PPFIBP2: variants seen among roughly 807,000 people sequenced by gnomAD.
PPFIBP2 encodes liprin-beta-2.
In PPFIBP2, 118 loss-of-function variants were observed where a neutral mutation model predicts 118.3. That is an observed-to-expected ratio of 1.00 (90% CI 0.86 to 1.16). The LOEUF is 1.16. PPFIBP2 is among the 50% of genes most tolerant of loss of function. The pLI is 0.00. For synonymous variants in PPFIBP2, 414 were observed against 397.4 expected (o/e 1.04, Z -0.50); for missense variants, 1,195 against 1,073.1 (o/e 1.11, Z -1.59).
chr11:7,637,813 T>C (rs890558734), intron 14 of PPFIBP2, among the ~76,000 whole-genome samples: 1 of 152,226 alleles, frequency 6.6e-6, no homozygotes, highest in Admixed American at 6.5e-5. Context: ...CCTTGATTCC[T>C]TTTTGCTGTC....
chr11:7,611,188 A>G (rs952136112), intron 6 of PPFIBP2, among the ~76,000 whole-genome samples: 9 of 152,228 alleles, frequency 5.9e-5, no homozygotes, highest in African/African-American at 2.2e-4. Flanking sequence ...TAATAGTTCT[A>G]TGAACTTCAA....
At chr11:7,628,677 C>G (rs1421145092) in intron 9 of PPFIBP2, among the ~76,000 whole-genome samples, 1 of 152,214 alleles carries the variant, frequency 6.6e-6, no homozygotes, top group Non-Finnish European at 1.5e-5. Flanking sequence ...GCCCACCAGT[C>G]TCCCATGTGC....
At chr11:7,621,165 A>T in intron 7 of PPFIBP2, 138 bp downstream of exon 7, 1 of 650,696 alleles carries the variant, frequency 1.5e-6, no homozygotes, top group Non-Finnish European at 2.8e-6. Context: ...AGCAGTGCCC[A>T]GATGGTGCAG....
At chr11:7,581,012 A>G (rs55730704) in intron 3 of PPFIBP2, among the ~76,000 whole-genome samples, 4,390 of 152,304 alleles carry the variant, frequency 0.029, 220 homozygotes, top group African/African-American at 0.1. Context: ...AGACCTAGAA[A>G]AGGCAGCTGC....
intron 2 of PPFIBP2, among the ~76,000 whole-genome samples, chr11:7,558,718 T>C (rs528320871): frequency 6.6e-6 from 1 of 151,126 alleles, no homozygotes; most frequent in South Asian, 2.1e-4. Flanking sequence ...ATCACGCCAC[T>C]GCACTCCAGC....
the PPFIBP2 span, among the ~76,000 whole-genome samples, chr11:7,662,442 A>G: frequency 6.6e-6 from 1 of 151,962 alleles, no homozygotes; most frequent in Non-Finnish European, 1.5e-5. Flanking sequence ...TCTGGGTTGA[A>G]AATTCTTTTC....
intron 1 of PPFIBP2, among the ~76,000 whole-genome samples, chr11:7,544,652 T>C (rs1852131496): frequency 1.3e-5 from 2 of 151,668 alleles, no homozygotes; most frequent in Admixed American, 6.6e-5. Context: ...CGGGCACCTG[T>C]AGTCCTAGCT....
the PPFIBP2 span, chr11:7,666,460 G>C: frequency 1.2e-6 from 2 of 1,609,910 alleles, no homozygotes; most frequent in Middle Eastern, 1.8e-4. Context: ...CCAATGGGAG[G>C]CCTGTCCAGG....
At chr11:7,628,125 A>G (rs1667169828) in intron 8 of PPFIBP2, among the ~76,000 whole-genome samples, 160 bp from the exon 9 acceptor site, 1 of 152,210 alleles carries the variant, frequency 6.6e-6, no homozygotes, top group Admixed American at 6.5e-5. Context: ...ATATTTAAGG[A>G]GGCCGATTCT....
At chr11:7,596,268 C>T (rs1266388475) in intron 4 of PPFIBP2, among the ~76,000 whole-genome samples, 1 of 152,180 alleles carries the variant, frequency 6.6e-6, no homozygotes, top group Non-Finnish European at 1.5e-5. Flanking sequence ...AGAGTCCTGC[C>T]CTTTTGAAAG....
At chr11:7,639,951 AC>A in intron 15 of PPFIBP2, 81 bp downstream of exon 15, 1 of 1,508,764 alleles carries the variant, frequency 6.6e-7, no homozygotes, top group Non-Finnish European at 8.8e-7. Flanking sequence ...CCCTGCACCT[AC>A]CACCACAATC....
At chr11:7,560,765 G>A (rs1245128496) in intron 2 of PPFIBP2, among the ~76,000 whole-genome samples, 2 of 152,278 alleles carry the variant, frequency 1.3e-5, no homozygotes, top group South Asian at 2.1e-4. Flanking sequence ...CAGTGTATGA[G>A]GGTACCCTTA....
At position 7,584,059 on chromosome 11, in the gene PPFIBP2, A is replaced by T. The variant is rs76696173; in HGVS notation, c.280-9073A>T. ...ATTCATGTGCATACAACTCTTTATG[A>T]TAGTACTTATTACATCCTGCTGCAA... On this transcript the variant is annotated intron_variant, in intron 3 of 23. Coordinates refer to ENST00000299492, the MANE Select transcript of PPFIBP2 (RefSeq NM_003621.5). 8.1e-3 allele frequency among the ~76,000 whole-genome samples: 1,239 copies of T among 152,246 alleles called. 17 individuals are homozygous for T. Among genetic ancestry groups the T allele is most frequent in the African/African-American group, 0.029 (1,190 of 41,544 alleles).
chr11:7,599,175 G>A (rs924070134), intron 5 of PPFIBP2, among the ~76,000 whole-genome samples: 7 of 151,606 alleles, frequency 4.6e-5, no homozygotes, highest in Admixed American at 2.0e-4. Flanking sequence ...AATCTCAAAT[G>A]ATGAAAGTAT....
intron 1 of PPFIBP2, among the ~76,000 whole-genome samples, chr11:7,518,591 A>G (rs527645570): frequency 6.6e-6 from 1 of 152,148 alleles, no homozygotes; most frequent in Non-Finnish European, 1.5e-5. Flanking sequence ...GGGTCCAGAC[A>G]CAGTCCTGGT....
At chr11:7,573,461 C>T (rs1848778117) in intron 3 of PPFIBP2, among the ~76,000 whole-genome samples, 1 of 152,224 alleles carries the variant, frequency 6.6e-6, no homozygotes, top group African/African-American at 2.4e-5. Flanking sequence ...TACTAGTACA[C>T]AGCCACACAC....
chr11:7,651,536 C>A, intron 22 of PPFIBP2, 120 bp from the exon 23 acceptor site: 2 of 845,244 alleles, frequency 2.4e-6, no homozygotes, highest in Non-Finnish European at 3.7e-6. Context: ...GAACAAGTGA[C>A]TGAGCTCCTG....
intron 1 of PPFIBP2, among the ~76,000 whole-genome samples, chr11:7,525,621 G>A (rs1334145941): frequency 1.3e-5 from 2 of 152,326 alleles, no homozygotes; most frequent in African/African-American, 2.4e-5. Flanking sequence ...CAGGACAAAA[G>A]CAGCAAACAG....
the PPFIBP2 span, among the ~76,000 whole-genome samples, chr11:7,663,760 T>G: frequency 5.9e-4 from 90 of 152,316 alleles, no homozygotes; most frequent in African/African-American, 2.1e-3. Flanking sequence ...GCTGCTGCCT[T>G]GCAGTTTGAT....
Sources: allele counts gnomAD v4.1 joint callset (sites outside exome capture counted in the v4.1 genomes callset), GRCh38; gene constraint gnomAD v4.1.1; transcripts MANE v1.5; gene names NCBI Gene and HGNC (gene_info 2026-07-23, HGNC 2026-07-21).